SEL1L3: variants seen among roughly 807,000 people sequenced by gnomAD.
SEL1L3 encodes SEL1L family member 3.
A neutral mutation model predicts 142.8 loss-of-function variants in SEL1L3; 76 were observed. That is an observed-to-expected ratio of 0.53 (90% confidence interval 0.44 to 0.64). The LOEUF (loss-of-function observed/expected upper bound fraction) is 0.64. Ranked by LOEUF, SEL1L3 falls within the 30% of genes least tolerant of loss-of-function variation. SEL1L3 has a pLI of 0.00. For synonymous variants in SEL1L3, 504 were observed against 519.6 expected (o/e 0.97, Z 0.41); for missense variants, 1,262 against 1,381.7 (o/e 0.91, Z 1.37).
chr4:25,815,986 G>T (rs1714365312), intron 9 of SEL1L3, among the ~76,000 whole-genome samples: 1 of 150,788 alleles, frequency 6.6e-6, no homozygotes, highest in Non-Finnish European at 1.5e-5. Context: ...AATATTGTGA[G>T]ATTGAGAAAC....
At chr4:25,738,977 G>A in the SEL1L3 span, among the ~76,000 whole-genome samples, 68 of 152,120 alleles carry the variant, frequency 4.5e-4, no homozygotes, top group South Asian at 6.0e-3. Context: ...AGGCCGAGGC[G>A]GGCAGATTAC....
chr4:25,806,205 AT>A (rs1277528656), intron 9 of SEL1L3, among the ~76,000 whole-genome samples: 1 of 151,602 alleles, frequency 6.6e-6, no homozygotes, highest in East Asian at 1.9e-4. Flanking sequence ...CGCCCGGCTA[AT>A]TTTTTGTATT....
At chr4:25,822,416 G>A (rs551733378) in intron 6 of SEL1L3, among the ~76,000 whole-genome samples, 9 of 152,342 alleles carry the variant, frequency 5.9e-5, no homozygotes, top group African/African-American at 1.7e-4. Context: ...AGAGGATTAC[G>A]TGAAGTGTAA....
intron 11 of SEL1L3, 36 bp from the exon 12 acceptor site, chr4:25,790,610 A>AGAAGGAAGGAAGGAAGGAAGGAAG (rs745799260): frequency 1.3e-6 from 1 of 797,988 alleles, no homozygotes. Flanking sequence ...AAGGAGGGAA[A>AGAAGGAAGGAAGGAAGGAAGGAAG]GAAGGAAGGA....
chr4:25,852,059 G>C (rs1007282047), intron 1 of SEL1L3, among the ~76,000 whole-genome samples: 3 of 152,018 alleles, frequency 2.0e-5, no homozygotes, highest in African/African-American at 7.3e-5. Flanking sequence ...CCCCAGGAGA[G>C]GTTTAATTGT....
In SEL1L3 at chr4:25,862,766, C is replaced by T; in HGVS notation, c.71G>A (p.Gly24Asp). 3 of 1,203,908 alleles carry T rather than the reference C, an allele frequency of 2.5e-6. No homozygotes were observed. The highest frequency in any genetic ancestry group is 3.1e-6 in the Non-Finnish European group (3 of 971,304). 74.6% of individuals were successfully genotyped at this position (1,203,908 alleles called of 1,614,324 possible). A position where few individuals can be genotyped will look rare whatever the true frequency, so the allele number is the denominator to read the frequency against. Residue 24 changes from glycine to aspartate, a missense_variant, in exon 1 of 24, where the codon GGC (glycine) becomes GAC (aspartate). Gly to Asp is a moderately conservative substitution (Grantham distance 94). Around this residue, in one of 3 missense-constraint regions of SEL1L3, gnomAD observed 689 missense variants for 692.8 expected, o/e 0.99. Transcript: ENST00000399878. ...CGGGACCATGGCTGCGGCCCGGGGGCCGACCGCGAGCGGCGGGGGTTGCTG... is the reference window on the plus strand; with the variant it reads ...CGGGACCATGGCTGCGGCCCGGGGGTCGACCGCGAGCGGCGGGGGTTGCTG... ...QQQQPPPLAV[G>D]PRAAAMVPSG... is the part of the protein sequence containing the mutation.
At chr4:25,842,749 G>A (rs1054959651) in intron 2 of SEL1L3, among the ~76,000 whole-genome samples, 1 of 152,230 alleles carries the variant, frequency 6.6e-6, no homozygotes, top group East Asian at 1.9e-4. Context: ...TGAGTGCAGG[G>A]GCCTATGATC....
At chr4:25,833,173 T>C in intron 4 of SEL1L3, 63 bp from the exon 5 acceptor site, 2 of 964,058 alleles carry the variant, frequency 2.1e-6, no homozygotes, top group South Asian at 1.3e-5. Context: ...ATGAAGTAGC[T>C]AGGCCTTTTC....
chr4:25,833,189 T>C, intron 4 of SEL1L3, 79 bp from the exon 5 acceptor site: 8 of 881,608 alleles, frequency 9.1e-6, no homozygotes. Context: ...TTTTCAACAA[T>C]TGTCCTAAGA....
intron 11 of SEL1L3, among the ~76,000 whole-genome samples, chr4:25,795,715 G>T (rs1468774961): frequency 3.3e-5 from 5 of 152,162 alleles, no homozygotes; most frequent in Non-Finnish European, 7.3e-5. Context: ...CCCAGGTGGG[G>T]GTTGCCTTCT....
the SEL1L3 span, among the ~76,000 whole-genome samples, chr4:25,721,853 C>A: frequency 2.6e-5 from 4 of 152,196 alleles, no homozygotes; most frequent in Non-Finnish European, 5.9e-5. Flanking sequence ...CCAGTGGGAT[C>A]TCAGTGGAAG....
chr4:25,790,906 A>T (rs904709050), intron 11 of SEL1L3, among the ~76,000 whole-genome samples: 1 of 152,252 alleles, frequency 6.6e-6, no homozygotes, highest in Admixed American at 6.5e-5. Flanking sequence ...CTCAAGAAAA[A>T]CTATATGAAT....
chr4:25,721,252 C>A, the SEL1L3 span, among the ~76,000 whole-genome samples: 1 of 151,064 alleles, frequency 6.6e-6, no homozygotes, highest in African/African-American at 2.4e-5. Flanking sequence ...AAGCTGAGTT[C>A]TGATAAGGAG....
At chr4:25,825,546 A>T (rs1489754816) in intron 6 of SEL1L3, among the ~76,000 whole-genome samples, 1 of 152,164 alleles carries the variant, frequency 6.6e-6, no homozygotes, top group Non-Finnish European at 1.5e-5. Flanking sequence ...GAATTAAGAA[A>T]TAGCTCCAGC....
chr4:25,841,415 G>A (rs1236192402), intron 2 of SEL1L3, among the ~76,000 whole-genome samples: 1 of 152,162 alleles, frequency 6.6e-6, no homozygotes, highest in African/African-American at 2.4e-5. Flanking sequence ...GCCACACAAA[G>A]TGCTTAACAC....
intron 23 of SEL1L3, among the ~76,000 whole-genome samples, chr4:25,752,418 G>GGA (rs1491341540): frequency 7.1e-5 from 7 of 98,886 alleles, no homozygotes; most frequent in African/African-American, 2.8e-4. Context: ...CTCCATCTCC[G>GGA]AAAAAAAAAA....
the SEL1L3 span, among the ~76,000 whole-genome samples, chr4:25,738,730 C>T: frequency 1.5e-4 from 23 of 152,130 alleles, no homozygotes; most frequent in Admixed American, 7.9e-4. Flanking sequence ...CACATCATAA[C>T]CATTGTGTGC....
chr4:25,790,337 A>C, intron 12 of SEL1L3, 118 bp downstream of exon 12: 1 of 945,378 alleles, frequency 1.1e-6, no homozygotes, highest in East Asian at 2.6e-5. Flanking sequence ...ATGCAGTGTG[A>C]GTGAGAAATA....
rs1283974517 is a variant in SEL1L3, at chr4:25,833,097, A to C, written c.996T>G (p.Ile332Met). Residue 332 changes from isoleucine to methionine, a missense_variant, in exon 5 of 24, where the codon ATT becomes ATG. Ile to Met is a conservative substitution (Grantham distance 10, BLOSUM62 1). Around this residue, in one of 3 missense-constraint regions of SEL1L3, gnomAD observed 689 missense variants for 692.8 expected, o/e 0.99. Transcript: ENST00000399878. ...VFLTEEGYLH[I>M]QMHLVKGEDL... is the part of the protein sequence containing the mutation. ...CTTCCCCTTTGACAAGATGCATCTG[A>C]ATATGCAAATAGCCTAAAAGGAAAA... 7 of 1,590,676 alleles carry C rather than the reference A, an allele frequency of 4.4e-6. No homozygotes were observed. The highest frequency in any genetic ancestry group is 6.0e-6 in the Non-Finnish European group (7 of 1,159,000).
Sources: gnomAD v4.1 joint callset for allele counts (sites outside exome capture counted in the v4.1 genomes callset) on GRCh38, gnomAD v4.1.1 for gene constraint, gnomAD v4.1.1 regional missense constraint, MANE v1.5 for transcripts, NCBI Gene and HGNC (gene_info 2026-07-23, HGNC 2026-07-21) for gene names.